The following NKAIN3 variants were observed in gnomAD, a reference collection of about 807,000 sequenced individuals.
The protein encoded by NKAIN3 is sodium/potassium transporting ATPase interacting 3.
Under a neutral mutation model 30.2 loss-of-function variants are expected in NKAIN3, and 25 were observed. The ratio of observed to expected loss-of-function variants is 0.83; its 90% CI spans 0.60 to 1.16. The LOEUF (loss-of-function observed/expected upper bound fraction) is 1.16, where lower values mean the gene tolerates loss of function less well. NKAIN3 is among the 50% of genes most tolerant of loss of function. NKAIN3 has a pLI of 0.00. For synonymous variants in NKAIN3, 91 were observed against 89.6 expected, an observed-to-expected ratio of 1.02 and a Z score of -0.09; for missense variants, 225 against 254.1, an observed-to-expected ratio of 0.89 and a Z score of 0.78.
At chr8:62,682,195 C>T (rs1813664869) in intron 3 of NKAIN3, among the ~76,000 whole-genome samples, 1 of 152,026 alleles carries the variant, frequency 6.6e-6, no homozygotes. Flanking sequence ...GGATCGTTCC[C>T]CCTTGAACAC....
intron 1 of NKAIN3, among the ~76,000 whole-genome samples, chr8:62,542,457 T>G (rs1190304610): frequency 6.6e-6 from 1 of 152,200 alleles, no homozygotes; most frequent in Non-Finnish European, 1.5e-5. Context: ...AATGCCAGAT[T>G]AATCAACATA....
At chr8:62,296,959 T>C (rs1046113548) in intron 1 of NKAIN3, among the ~76,000 whole-genome samples, 1 of 152,188 alleles carries the variant, frequency 6.6e-6, no homozygotes, top group Non-Finnish European at 1.5e-5. Context: ...CCTCACATTC[T>C]TTCTCATTGT....
intron 3 of NKAIN3, among the ~76,000 whole-genome samples, chr8:62,658,540 A>G (rs1007535935): frequency 3.9e-5 from 6 of 152,200 alleles, no homozygotes; most frequent in Non-Finnish European, 8.8e-5. Context: ...TCACTTTTGA[A>G]TAAATGAATA....
At chr8:62,346,195 C>T (rs938995050) in intron 1 of NKAIN3, among the ~76,000 whole-genome samples, 1 of 151,984 alleles carries the variant, frequency 6.6e-6, no homozygotes, top group African/African-American at 2.4e-5. Context: ...ACATATATTT[C>T]AAGATAGCTG....
intron 1 of NKAIN3, among the ~76,000 whole-genome samples, chr8:62,568,288 AT>A (rs1226804051): frequency 6.6e-6 from 1 of 152,192 alleles, no homozygotes; most frequent in Non-Finnish European, 1.5e-5. Context: ...TCTGAGTTTA[AT>A]TAGTTGATCA....
intron 2 of NKAIN3, among the ~76,000 whole-genome samples, chr8:62,582,538 T>G (rs1355128665): frequency 6.6e-6 from 1 of 151,946 alleles, no homozygotes; most frequent in African/African-American, 2.4e-5. Context: ...GCTCTCAGTA[T>G]GAGAGTGAGT....
At chr8:62,699,549 A>G (rs992642900) in intron 3 of NKAIN3, among the ~76,000 whole-genome samples, 11 of 152,152 alleles carry the variant, frequency 7.2e-5, no homozygotes, top group Non-Finnish European at 1.5e-4. Flanking sequence ...CTACTTTTCT[A>G]TCATTTGGCA....
chr8:62,622,962 T>C (rs1032792097), intron 3 of NKAIN3, among the ~76,000 whole-genome samples: 5 of 151,976 alleles, frequency 3.3e-5, no homozygotes, highest in African/African-American at 1.2e-4. Context: ...TTATTTCTCA[T>C]ATAAGATAAA....
intron 4 of NKAIN3, among the ~76,000 whole-genome samples, chr8:62,916,134 G>A (rs917474403): frequency 6.6e-6 from 1 of 152,090 alleles, no homozygotes; most frequent in African/African-American, 2.4e-5. Flanking sequence ...GTAAAAAATA[G>A]TCATAAAAAT....
chr8:62,678,400 C>G (rs1813544318), intron 3 of NKAIN3, among the ~76,000 whole-genome samples: 1 of 152,142 alleles, frequency 6.6e-6, no homozygotes, highest in Non-Finnish European at 1.5e-5. Flanking sequence ...ATCATGCAAT[C>G]TTCGAAATAG....
chr8:62,644,807 G>A (rs978489585), intron 3 of NKAIN3, among the ~76,000 whole-genome samples: 2 of 152,168 alleles, frequency 1.3e-5, no homozygotes, highest in African/African-American at 4.8e-5. Flanking sequence ...ACAGTGTTAA[G>A]CACAAAACAG....
At chr8:62,633,403 A>C (rs1438065546) in intron 3 of NKAIN3, among the ~76,000 whole-genome samples, 1 of 152,088 alleles carries the variant, frequency 6.6e-6, no homozygotes, top group Non-Finnish European at 1.5e-5. Flanking sequence ...TTGTATATAC[A>C]TTTATGGTTC....
intron 5 of NKAIN3, among the ~76,000 whole-genome samples, chr8:62,995,623 G>T (rs1166998197): frequency 1.3e-5 from 2 of 152,124 alleles, no homozygotes; most frequent in African/African-American, 4.8e-5. Context: ...GTAAACACAA[G>T]GGGGAAGAAG....
At chr8:62,277,931 AAGGTGCT>A (rs1230107807) in intron 1 of NKAIN3, among the ~76,000 whole-genome samples, 2 of 152,182 alleles carry the variant, frequency 1.3e-5, no homozygotes, top group Non-Finnish European at 2.9e-5. Flanking sequence ...CTTTACCTTT[AAGGTGCT>A]TTTCCAGTGT....
At position 62,980,075 on chromosome 8, in the gene NKAIN3, A is replaced by G. The variant is rs1203939785; in HGVS notation, c.*14668A>G. On this transcript the variant is annotated 3_prime_UTR_variant, in exon 7 of 7. Coordinates refer to ENST00000623646, the MANE Select transcript of NKAIN3 (RefSeq NM_001304533.3). ...TTCTTTGCTTCCCAAAAGACAGAAC[A>G]GCTCAGTCCTGGCTGCCACCTTCTT... 1.3e-5 allele frequency: 2 copies of G among 152,220 alleles called. No individual in the cohort carries two copies. Among genetic ancestry groups the G allele is most frequent in the African/African-American group, 4.8e-5 (2 of 41,450 alleles). 9.4% of individuals were successfully genotyped at this position (152,220 alleles called of 1,614,324 possible). A position where few individuals can be genotyped will look rare whatever the true frequency, so the allele number is the denominator to read the frequency against.
intron 3 of NKAIN3, among the ~76,000 whole-genome samples, chr8:62,612,806 G>T (rs1811336684): frequency 1.3e-5 from 2 of 151,808 alleles, no homozygotes; most frequent in African/African-American, 4.8e-5. Flanking sequence ...TTGCCATGAG[G>T]CTTGCAAATA....
chr8:62,460,654 CA>C (rs1294438003), intron 1 of NKAIN3, among the ~76,000 whole-genome samples: 1 of 152,096 alleles, frequency 6.6e-6, no homozygotes, highest in African/African-American at 2.4e-5. Flanking sequence ...TGGCAAGCAT[CA>C]GAGAGGGAAG....
At chr8:62,757,336 A>G (rs1816485222) in intron 4 of NKAIN3, among the ~76,000 whole-genome samples, 1 of 152,206 alleles carries the variant, frequency 6.6e-6, no homozygotes, top group South Asian at 2.1e-4. Context: ...ATTTGTATAA[A>G]TTTCATTAAT....
intron 5 of NKAIN3, among the ~76,000 whole-genome samples, chr8:62,921,098 C>A (rs751477566): frequency 2.7e-4 from 41 of 152,214 alleles, no homozygotes; most frequent in Non-Finnish European, 5.6e-4. Flanking sequence ...AAATGAACTG[C>A]CCCTTGGATA....
Sources: allele counts gnomAD v4.1 joint callset (sites outside exome capture counted in the v4.1 genomes callset), GRCh38; gene constraint gnomAD v4.1.1; transcripts MANE v1.5; gene names NCBI Gene and HGNC (gene_info 2026-07-23, HGNC 2026-07-21).